The following NRG1 variants were observed in gnomAD, a reference collection of about 807,000 sequenced individuals.
NRG1 encodes the protein pro-neuregulin-1, membrane-bound isoform.
NRG1 carries 18 observed loss-of-function variants against 63.8 expected under a neutral mutation model. That is an observed-to-expected ratio of 0.28 (90% CI 0.19 to 0.42). NRG1 has a LOEUF of 0.42. Ranked by LOEUF, NRG1 falls within the 10% of genes least tolerant of loss-of-function variation. The pLI, the probability that NRG1 is intolerant of heterozygous loss-of-function variation, is 1.00. For missense variants in NRG1, 762 were observed against 814.7 expected, an observed-to-expected ratio of 0.94 and a Z score of 0.79; for synonymous variants, 302 against 301.3, an observed-to-expected ratio of 1.00 and a Z score of -0.02.
intron 3 of NRG1, among the ~76,000 whole-genome samples, chr8:32,608,092 G>GTTTTGTTTTTTTTTT (rs1845594606): frequency 4.6e-4 from 49 of 106,144 alleles, no homozygotes; most frequent in Non-Finnish European, 6.1e-4. Flanking sequence ...GGTTTTTTTT[G>GTTTTGTTTTTTTTTT]TTTTTTTTTT....
chr8:32,439,752 C>G (rs953032440), intron 1 of NRG1, among the ~76,000 whole-genome samples: 6 of 146,786 alleles, frequency 4.1e-5, no homozygotes, highest in South Asian at 2.2e-4. Context: ...TAATTAACTA[C>G]TAAAAAATCG....
intron 1 of NRG1, among the ~76,000 whole-genome samples, chr8:32,181,471 G>C (rs758750287): frequency 6.6e-6 from 1 of 151,986 alleles, no homozygotes; most frequent in Non-Finnish European, 1.5e-5. Flanking sequence ...GGCATATGCA[G>C]GCACACAATA....
intron 5 of NRG1, among the ~76,000 whole-genome samples, chr8:32,638,166 G>A (rs943146382): frequency 1.3e-5 from 2 of 152,042 alleles, no homozygotes; most frequent in Non-Finnish European, 2.9e-5. Flanking sequence ...CAGGTTTTTT[G>A]TTTGTTTGTT....
intron 1 of NRG1, among the ~76,000 whole-genome samples, chr8:31,854,110 G>A (rs376194028): frequency 2.6e-5 from 4 of 151,854 alleles, no homozygotes; most frequent in Non-Finnish European, 5.9e-5. Context: ...TTGGTATCAG[G>A]ATGATGCTGG....
chr8:32,429,162 G>A (rs1817814607), intron 1 of NRG1, among the ~76,000 whole-genome samples: 1 of 152,064 alleles, frequency 6.6e-6, no homozygotes, highest in Admixed American at 6.6e-5. Flanking sequence ...CGAACAGGCT[G>A]TATGTTTTAC....
At chr8:31,897,708 A>G (rs1441619197) in intron 1 of NRG1, among the ~76,000 whole-genome samples, 1 of 152,022 alleles carries the variant, frequency 6.6e-6, no homozygotes, top group Non-Finnish European at 1.5e-5. Flanking sequence ...TGACTCTTTC[A>G]TCCAATTAGA....
At chr8:31,907,305 T>C (rs893576971) in intron 1 of NRG1, among the ~76,000 whole-genome samples, 3 of 151,456 alleles carry the variant, frequency 2.0e-5, no homozygotes, top group South Asian at 2.1e-4. Context: ...TAATACTAAA[T>C]TGACAAGTCC....
rs117509221 is a variant in NRG1 at position 32,107,728 on chromosome 8, T to G, written c.37+468297T>G. Among the ~76,000 whole-genome samples, 475 of 152,336 alleles carry G rather than the reference T, an allele frequency of 3.1e-3. 2 individuals are homozygous for G. Among genetic ancestry groups the G allele is most frequent in the South Asian group, 0.017 (83 of 4,820 alleles). On this transcript the variant is annotated intron_variant, in intron 1 of 10. Transcript: ENST00000519301. Reference sequence around the variant, plus strand: ...ATGTAGTCTTTAGTAGACTGTTGATTGATATTCTAGTAAAAGAGTAAATCT... The same window carrying G: ...ATGTAGTCTTTAGTAGACTGTTGATGGATATTCTAGTAAAAGAGTAAATCT...
chr8:32,333,100 C>G (rs1027405157), intron 1 of NRG1, among the ~76,000 whole-genome samples: 2 of 152,180 alleles, frequency 1.3e-5, no homozygotes, highest in Non-Finnish European at 1.5e-5. Context: ...ATCATCTGCT[C>G]TCATCCTACC....
chr8:32,289,764 TTATAAA>T (rs1563275532), intron 1 of NRG1, among the ~76,000 whole-genome samples: 2 of 152,196 alleles, frequency 1.3e-5, no homozygotes, highest in Non-Finnish European at 2.9e-5. Context: ...AATTAGATAC[TTATAAA>T]TATGAAATAT....
chr8:32,557,396 G>A (rs1430309299), intron 1 of NRG1, among the ~76,000 whole-genome samples: 1 of 152,188 alleles, frequency 6.6e-6, no homozygotes, highest in Non-Finnish European at 1.5e-5. Flanking sequence ...TGAAATGGAA[G>A]TACAGTATTG....
At chr8:32,627,373 A>C (rs1386349778) in intron 5 of NRG1, among the ~76,000 whole-genome samples, 1 of 152,238 alleles carries the variant, frequency 6.6e-6, no homozygotes, top group Non-Finnish European at 1.5e-5. Context: ...ATGAGCAGAC[A>C]CTTATCCTTG....
At chr8:31,854,659 G>T (rs996202008) in intron 1 of NRG1, among the ~76,000 whole-genome samples, 1 of 152,122 alleles carries the variant, frequency 6.6e-6, no homozygotes, top group African/African-American at 2.4e-5. Context: ...GCTAGCTTTT[G>T]AATGTGTTTG....
chr8:31,792,401 T>C lies in NRG1; in HGVS notation c.37+152970T>C, dbSNP rs139226270. ...CAGGAGGGTTGAATGACTTGTTTAA[T>C]GGCACATGGCCAAAGAAACAGAACA... On this transcript the variant is annotated intron_variant, in intron 1 of 10. Transcript: ENST00000519301. Among the ~76,000 whole-genome samples the C allele has an allele frequency of 1.4e-3, 211 of 152,336 alleles. 1 individual carries two copies. Among genetic ancestry groups the C allele is most frequent in the African/African-American group, 5.0e-3 (207 of 41,584 alleles).
chr8:32,014,145 G>A (rs1815149167), intron 1 of NRG1, among the ~76,000 whole-genome samples: 1 of 152,126 alleles, frequency 6.6e-6, no homozygotes. Context: ...ACTTTGGGCA[G>A]TATGGCCATT....
chr8:31,807,606 C>T (rs1439046383), intron 1 of NRG1, among the ~76,000 whole-genome samples: 1 of 152,088 alleles, frequency 6.6e-6, no homozygotes, highest in Non-Finnish European at 1.5e-5. Context: ...ACTGAACATG[C>T]TACTACCTTC....
chr8:32,394,703 C>G (rs1477439075), intron 1 of NRG1, among the ~76,000 whole-genome samples: 2 of 152,136 alleles, frequency 1.3e-5, no homozygotes, highest in African/African-American at 4.8e-5. Flanking sequence ...CGTCTTTCTC[C>G]CTACCCTCTT....
At chr8:32,645,181 A>G (rs1256636504) in intron 5 of NRG1, among the ~76,000 whole-genome samples, 2 of 152,224 alleles carry the variant, frequency 1.3e-5, no homozygotes, top group South Asian at 2.1e-4. Flanking sequence ...CTATCTTTCA[A>G]TTTGAATGCT....
chr8:31,791,216 A>G (rs1820673905), intron 1 of NRG1, among the ~76,000 whole-genome samples: 1 of 151,774 alleles, frequency 6.6e-6, no homozygotes, highest in Non-Finnish European at 1.5e-5. Context: ...AAAAAAAAAA[A>G]AAAAGAAAGA....
Sources: allele counts gnomAD v4.1 joint callset (sites outside exome capture counted in the v4.1 genomes callset), GRCh38; gene constraint gnomAD v4.1.1; transcripts MANE v1.5; gene names NCBI Gene and HGNC (gene_info 2026-07-23, HGNC 2026-07-21).